The following OPCML variants were observed in gnomAD, a reference collection of about 807,000 sequenced individuals.
OPCML encodes opioid-binding protein/cell adhesion molecule.
OPCML carries 13 observed loss-of-function variants against 37.8 expected under a neutral mutation model. The ratio of observed to expected loss-of-function variants is 0.34; its 90% CI spans 0.22 to 0.55. The LOEUF (loss-of-function observed/expected upper bound fraction) is 0.55. Among genes scored for constraint, OPCML ranks in the 20% least tolerant of loss-of-function variants. The pLI is 0.91. For missense variants in OPCML, 341 were observed against 435.6 expected, an observed-to-expected ratio of 0.78 and a Z score of 1.93; for synonymous variants, 176 against 168.8, an observed-to-expected ratio of 1.04 and a Z score of -0.33.
intron 1 of OPCML, among the ~76,000 whole-genome samples, chr11:133,328,015 C>T (rs1240624281): frequency 6.6e-6 from 1 of 152,182 alleles, no homozygotes; most frequent in East Asian, 1.9e-4. Context: ...ACTTTCTTAA[C>T]TCCTATGCTT....
chr11:133,464,382 T>A (rs555155034), intron 1 of OPCML, among the ~76,000 whole-genome samples: 1 of 152,028 alleles, frequency 6.6e-6, no homozygotes, highest in African/African-American at 2.4e-5. Flanking sequence ...GAGCTTTCAG[T>A]CAAACAAGAA....
chr11:132,833,085 T>G (rs560338530), intron 2 of OPCML, among the ~76,000 whole-genome samples: 22 of 152,298 alleles, frequency 1.4e-4, no homozygotes, highest in Non-Finnish European at 2.9e-4. Context: ...ACATTTAACT[T>G]TTTAAATTTT....
At chr11:132,769,366 A>G (rs1163973651) in intron 2 of OPCML, among the ~76,000 whole-genome samples, 1 of 151,588 alleles carries the variant, frequency 6.6e-6, no homozygotes, top group Non-Finnish European at 1.5e-5. Flanking sequence ...TATGCTGAGT[A>G]GTTTTAATAA....
chr11:133,358,303 G>A (rs1944336664), intron 1 of OPCML, among the ~76,000 whole-genome samples: 1 of 152,118 alleles, frequency 6.6e-6, no homozygotes, highest in Non-Finnish European at 1.5e-5. Flanking sequence ...GAAGGGCAGG[G>A]ATTCTATTTT....
chr11:133,450,129 C>G (rs992982233), intron 1 of OPCML, among the ~76,000 whole-genome samples: 11 of 151,794 alleles, frequency 7.2e-5, no homozygotes, highest in African/African-American at 2.7e-4. Flanking sequence ...TGCTGAGAAG[C>G]TCATACAAAG....
intron 2 of OPCML, among the ~76,000 whole-genome samples, chr11:132,760,551 A>C (rs868101916): frequency 6.7e-6 from 1 of 148,268 alleles, no homozygotes; most frequent in South Asian, 2.1e-4. Flanking sequence ...ACCATTATGT[A>C]ATGCCCTTCT....
intron 2 of OPCML, among the ~76,000 whole-genome samples, chr11:132,814,871 GTGGA>G (rs1939541914): frequency 6.6e-6 from 1 of 152,130 alleles, no homozygotes; most frequent in Non-Finnish European, 1.5e-5. Context: ...TCTCATTAGT[GTGGA>G]TGAAGTGGGT....
intron 1 of OPCML, among the ~76,000 whole-genome samples, chr11:133,079,887 G>T (rs556406854): frequency 1.3e-5 from 2 of 152,156 alleles, no homozygotes; most frequent in Non-Finnish European, 2.9e-5. Flanking sequence ...TGAGGTGCCC[G>T]TCCAAGGGGA....
intron 2 of OPCML, among the ~76,000 whole-genome samples, chr11:132,778,597 A>T (rs1946886096): frequency 6.6e-6 from 1 of 152,136 alleles, no homozygotes; most frequent in African/African-American, 2.4e-5. Context: ...TCTAGTAATT[A>T]TATTCTTGTT....
chr11:133,117,553 G>C (rs1161151837), intron 1 of OPCML, among the ~76,000 whole-genome samples: 3 of 152,012 alleles, frequency 2.0e-5, no homozygotes, highest in Non-Finnish European at 2.9e-5. Context: ...TTCTGACATA[G>C]GTAGTTTTTC....
chr11:133,375,736 C>G (rs1250691826), intron 1 of OPCML, among the ~76,000 whole-genome samples: 2 of 152,144 alleles, frequency 1.3e-5, no homozygotes, highest in East Asian at 3.9e-4. Flanking sequence ...TGTATAGTCT[C>G]TATTAACTAG....
At chr11:132,722,141 G>A (rs1226981359) in intron 2 of OPCML, among the ~76,000 whole-genome samples, 2 of 151,468 alleles carry the variant, frequency 1.3e-5, no homozygotes, top group African/African-American at 4.8e-5. Flanking sequence ...ATTTTTAGTA[G>A]AGATGGGGTT....
intron 1 of OPCML, chr11:133,419,139 G>A (rs1275579232): frequency 1.7e-6 from 1 of 573,428 alleles, no homozygotes; most frequent in Non-Finnish European, 2.2e-6. Flanking sequence ...CTAGACTTAT[G>A]CTAATAAAAC....
intron 4 of OPCML, among the ~76,000 whole-genome samples, chr11:132,442,441 C>A (rs1157446351): frequency 6.6e-6 from 1 of 152,128 alleles, no homozygotes; most frequent in Non-Finnish European, 1.5e-5. Context: ...CTGTTTATTG[C>A]CTCAGCCAAT....
At chr11:132,780,748 CAAG>C (rs758993727) in intron 2 of OPCML, among the ~76,000 whole-genome samples, 65 of 152,192 alleles carry the variant, frequency 4.3e-4, no homozygotes, top group Middle Eastern at 3.4e-3. Flanking sequence ...CACACATTGG[CAAG>C]TAGGGGAGGG....
At chr11:132,544,412 A>G (rs949510584) in intron 3 of OPCML, among the ~76,000 whole-genome samples, 1 of 152,200 alleles carries the variant, frequency 6.6e-6, no homozygotes, top group African/African-American at 2.4e-5. Flanking sequence ...ACATGTCACA[A>G]TGCTGCAGGG....
chr11:132,899,996 T>G (rs1943993158), intron 2 of OPCML, among the ~76,000 whole-genome samples: 1 of 152,094 alleles, frequency 6.6e-6, no homozygotes, highest in South Asian at 2.1e-4. Flanking sequence ...GTCCCCCATA[T>G]GTAGACGGCT....
intron 2 of OPCML, among the ~76,000 whole-genome samples, chr11:132,864,865 C>T (rs558174236): frequency 1.3e-5 from 2 of 152,162 alleles, no homozygotes; most frequent in African/African-American, 2.4e-5. Context: ...CTTTAATGGG[C>T]GATTACTCAG....
chr11:133,149,425 G>A (rs1039677181), intron 1 of OPCML, among the ~76,000 whole-genome samples: 8 of 152,128 alleles, frequency 5.3e-5, no homozygotes, highest in Non-Finnish European at 2.9e-5. Context: ...AAAAGGAGAG[G>A]CCCCAGGCAA....
Sources: allele counts gnomAD v4.1 joint callset (sites outside exome capture counted in the v4.1 genomes callset), GRCh38; gene constraint gnomAD v4.1.1; transcripts MANE v1.5; gene names NCBI Gene and HGNC (gene_info 2026-07-23, HGNC 2026-07-21).